Variants in ZBED1 observed in about 807,000 individuals in gnomAD.
The protein encoded by ZBED1 is zinc finger BED-type containing 1, also known as E3 SUMO-protein ligase ZBED1.
In ZBED1, 19 loss-of-function variants were observed where a neutral mutation model predicts 49.7. That is an observed-to-expected ratio of 0.38 (90% confidence interval 0.27 to 0.56). The LOEUF is 0.56. Among genes scored for constraint, ZBED1 ranks in the 20% least tolerant of loss-of-function variants. The probability of loss-of-function intolerance (pLI) is 0.70; values close to 1 mark genes in which losing one functional copy is unlikely to be tolerated. For synonymous variants in ZBED1, 439 were observed against 440.3 expected (o/e 1.00, Z 0.04); for missense variants, 806 against 972.6 (o/e 0.83, Z 2.28).
Position 2,490,260 on chromosome X carries a change from T to G in ZBED1, c.460A>C (p.Lys154Gln), listed in dbSNP as rs1378869049. The change falls in exon 2 of 2, where the codon AAG (lysine) becomes CAG (glutamine). Residue 154 changes from lysine to glutamine, a missense_variant. Physicochemically the swap from Lys to Gln is moderately conservative, Grantham distance 53. This residue lies in a region of ZBED1 where 749 missense variants were observed against 861.3 expected (regional missense o/e 0.87). Transcript: ENST00000652001. The stretch of plus-strand genomic sequence containing the variant: ...AGCTCATACCGGGGGTCGGCCGTCT[T>G]CAGCAGCACCTTGAAGGTGGGCTCG... ...VDEPTFKVLL[K>Q]TADPRYELPS... 6.2e-7 allele frequency: 1 copy of G among 1,613,712 alleles called. No homozygotes were observed. Among genetic ancestry groups the G allele is most frequent in the Non-Finnish European group, 8.5e-7 (1 of 1,179,832 alleles).
intron 1 of ZBED1, among the ~76,000 whole-genome samples, chrX:2,497,530 G>A (rs1247542519): frequency 6.6e-6 from 1 of 152,138 alleles, no homozygotes; most frequent in Non-Finnish European, 1.5e-5. Context: ...TTGAAAAGTA[G>A]GACTTCTATA....
rs1296273053 is a variant in ZBED1, at chrX:2,487,781, T to A, written c.*854A>T. 8 of 151,928 alleles carry A rather than the reference T, an allele frequency of 5.3e-5. No individual in the cohort carries two copies. The highest frequency in any genetic ancestry group is 1.3e-4 in the Admixed American group (2 of 15,236). The allele number at this position is 151,928 out of a possible 1,614,324, so 9.4% of individuals were successfully genotyped here. On this transcript the variant is annotated 3_prime_UTR_variant, in exon 2 of 2. Coordinates refer to ENST00000652001, the MANE Select transcript of ZBED1 (RefSeq NM_001171136.2). ...GTGTCTGCATTTTTGTACTCATCTG[T>A]CACATTTTTAACCGAACATTAAAAA...
intron 1 of ZBED1, among the ~76,000 whole-genome samples, chrX:2,493,638 T>C (rs981988450): frequency 6.6e-6 from 1 of 151,678 alleles, no homozygotes; most frequent in Non-Finnish European, 1.5e-5. Flanking sequence ...TTGTTATTAT[T>C]ATTAGGCTGA....
In ZBED1 at chrX:2,488,706, C is replaced by T. The variant is rs1475951311; in HGVS notation, c.2014G>A (p.Glu672Lys). 6.2e-6 allele frequency: 10 copies of T among 1,613,912 alleles called. No homozygotes were observed. The highest frequency in any genetic ancestry group is 1.1e-5 in the South Asian group (1 of 91,074). Residue 672 changes from glutamate (E) to lysine (K), a missense_variant, in exon 2 of 2, where the codon GAG becomes AAG. Physicochemically the swap from Glu to Lys is moderately conservative, Grantham distance 56. Transcript: ENST00000652001. Reference protein sequence around the residue: ...QDEGEWGLDQEQVFSLGDGVS... With the variant: ...QDEGEWGLDQKQVFSLGDGVS... ...CCATCCCCCAAGGAGAACACCTGCT[C>T]CTGGTCCAGGCCCCACTCCCCCTCG...
rs2044932631 is a variant in ZBED1 at position 2,486,481 on chromosome X, A to C, written c.*2154T>G. On this transcript the variant is annotated 3_prime_UTR_variant, in exon 2 of 2. Coordinates refer to ENST00000652001, the MANE Select transcript of ZBED1 (RefSeq NM_001171136.2). ...ACAACAGTCCAACTTTACAGCATTAAATAAGGGGCAACCGTTCAGGAGGGG... is the reference window on the plus strand; with the variant it reads ...ACAACAGTCCAACTTTACAGCATTACATAAGGGGCAACCGTTCAGGAGGGG... 1 of 152,232 alleles carries C rather than the reference A, an allele frequency of 6.6e-6. No homozygotes were observed. Among genetic ancestry groups the C allele is most frequent in the Non-Finnish European group, 1.5e-5 (1 of 68,040 alleles). The allele number at this position is 152,232 out of a possible 1,614,324, so 9.4% of individuals were successfully genotyped here. A position where few individuals can be genotyped will look rare whatever the true frequency, so the allele number is the denominator to read the frequency against.
intron 1 of ZBED1, among the ~76,000 whole-genome samples, chrX:2,492,083 G>A (rs1320135867): frequency 2.6e-5 from 4 of 152,210 alleles, no homozygotes; most frequent in Non-Finnish European, 5.9e-5. Flanking sequence ...GTCAGTGCAA[G>A]GAGGCATATT....
At position 2,490,080 on chromosome X, in the gene ZBED1, C is replaced by T. The variant is rs766286048; in HGVS notation, c.640G>A (p.Ala214Thr). The T allele has an allele frequency of 3.7e-6, 6 of 1,613,646 alleles. No individual in the cohort carries two copies. In the Admixed American group the frequency reaches 5.0e-5, roughly 13 times the overall value. ...ENQNRAYVTL[A>T]AHFLGLGAPN... ...GCGCCCAGGCCCAGGAAGTGGGCGG[C>T]CAGCGTGACGTAGGCGCGGTTCTGA... Residue 214 changes from alanine (A) to threonine (T), a missense_variant, in exon 2 of 2, where the codon GCC becomes ACC. This residue lies in a region of ZBED1 where 749 missense variants were observed against 861.3 expected (regional missense o/e 0.87). Transcript: ENST00000652001.
At position 2,489,952 on chromosome X, in the gene ZBED1, G is replaced by A. The variant is rs141687518; in HGVS notation, c.768C>T (p.Ile256=). ...TITRVLYEVF[I]EWGISAKVFG... is the part of the protein sequence containing the mutation. ...AGACCTTGGCGCTGATGCCCCACTCGATGAAGACCTCATAGAGCACTCGCG... is the reference window on the plus strand; with the variant it reads ...AGACCTTGGCGCTGATGCCCCACTCAATGAAGACCTCATAGAGCACTCGCG... The change falls in exon 2 of 2, where the codon ATC becomes ATT. Residue 256 remains isoleucine (I), a synonymous_variant. Transcript: ENST00000652001. 2.4e-5 allele frequency: 39 copies of A among 1,613,900 alleles called. 1 individual carries two copies. The African/African-American group carries it at 4.5e-4, about 19-fold the overall frequency.
At chrX:2,493,908 G>T (rs1305216594) in intron 1 of ZBED1, among the ~76,000 whole-genome samples, 2 of 152,094 alleles carry the variant, frequency 1.3e-5, no homozygotes, top group Non-Finnish European at 2.9e-5. Flanking sequence ...GGAAGCAGAG[G>T]TTGCAGTGAG....
chrX:2,491,077 T>TTG (rs1556033030), intron 1 of ZBED1, among the ~76,000 whole-genome samples: 41 of 146,856 alleles, frequency 2.8e-4, no homozygotes, highest in Non-Finnish European at 4.0e-4. Flanking sequence ...TTTTTTTTTT[T>TTG]TTTTTTTTTT....
Position 2,490,285 on chromosome X carries a change from G to A in ZBED1, c.435C>T (p.Asp145=), listed in dbSNP as rs777092860. The A allele has an allele frequency of 3.3e-5, 54 of 1,613,580 alleles. No homozygotes were observed. Among genetic ancestry groups the A allele is most frequent in the African/African-American group, 9.3e-5 (7 of 74,926 alleles). The stretch of plus-strand genomic sequence containing the variant: ...TCAGCAGCACCTTGAAGGTGGGCTC[G>A]TCCACGATGGAGGCTGGGTACAGCC... ...CEGLYPASIV[D]EPTFKVLLKT... The change falls in exon 2 of 2, where the codon GAC becomes GAT. Residue 145 remains aspartate, a synonymous_variant. Coordinates refer to ENST00000652001, the MANE Select transcript of ZBED1 (RefSeq NM_001171136.2).
Position 2,488,614 on chromosome X carries a change from G to T in ZBED1, c.*21C>A, listed in dbSNP as rs531609492. ...CAATGGGCTGCTGCGGGGATGACTT[G>T]TAAGACAACACGCTTCCTCGCTACA... On this transcript the variant is annotated 3_prime_UTR_variant, in exon 2 of 2. Coordinates refer to ENST00000652001, the MANE Select transcript of ZBED1 (RefSeq NM_001171136.2). The T allele has an allele frequency of 1.3e-6, 2 of 1,571,546 alleles. No homozygotes were observed. Among genetic ancestry groups the T allele is most frequent in the African/African-American group, 1.4e-5 (1 of 73,452 alleles).
chrX:2,492,481 A>G (rs2045178020), intron 1 of ZBED1, among the ~76,000 whole-genome samples: 1 of 152,044 alleles, frequency 6.6e-6, no homozygotes, highest in African/African-American at 2.4e-5. Context: ...CCGCAGAAAG[A>G]TCTGTCCACA....
At position 2,500,854 on chromosome X, in the gene ZBED1, C is replaced by G; in HGVS notation, c.-91G>C. 1 of 1,158,972 alleles carries G rather than the reference C, an allele frequency of 8.6e-7. No individual in the cohort carries two copies. Among genetic ancestry groups the G allele is most frequent in the Non-Finnish European group, 1.1e-6 (1 of 935,504 alleles). 71.8% of individuals were successfully genotyped at this position (1,158,972 alleles called of 1,614,324 possible). A position where few individuals can be genotyped will look rare whatever the true frequency, so the allele number is the denominator to read the frequency against. On this transcript the variant is annotated 5_prime_UTR_variant, in exon 1 of 2. Coordinates refer to ENST00000652001, the MANE Select transcript of ZBED1 (RefSeq NM_001171136.2). ...AGCCCCCGCGGCAGCGCCGCAGCAG[C>G]TGCGCCAGGATCACCGCGGCGCCTA...
Position 2,489,083 on chromosome X carries a change from T to C in ZBED1, c.1637A>G (p.Asn546Ser). The part of the protein sequence containing the change: ...STPPPASVIN[N>S]MLAEIFCQTG... ...CTGGCAGAAGATCTCGGCCAGCATG[T>C]TGTTGATGACGCTGGCGGGCGGCGG... Residue 546 changes from asparagine (N) to serine (S), a missense_variant, in exon 2 of 2, where the codon AAC becomes AGC. Coordinates refer to ENST00000652001, the MANE Select transcript of ZBED1 (RefSeq NM_001171136.2). The C allele has an allele frequency of 6.2e-7, 1 of 1,613,830 alleles. No homozygotes were observed. The highest frequency in any genetic ancestry group is 8.5e-7 in the Non-Finnish European group (1 of 1,179,830).
At chrX:2,492,178 G>A (rs997481684) in intron 1 of ZBED1, among the ~76,000 whole-genome samples, 2 of 152,154 alleles carry the variant, frequency 1.3e-5, no homozygotes, top group Non-Finnish European at 2.9e-5. Context: ...ATGGGACCTT[G>A]TTTGGAAAAA....
chrX:2,495,610 G>A (rs1569349824), intron 1 of ZBED1, among the ~76,000 whole-genome samples: 3 of 151,976 alleles, frequency 2.0e-5, no homozygotes, highest in Non-Finnish European at 2.9e-5. Flanking sequence ...CTGAACCCAC[G>A]TAACAGCCAC....
chrX:2,490,324 G>T lies in ZBED1; in HGVS notation c.396C>A (p.Gly132=), dbSNP rs145834233. 2 of 1,613,256 alleles carry T rather than the reference G, an allele frequency of 1.2e-6. No individual in the cohort carries two copies. The highest frequency in any genetic ancestry group is 3.3e-5 in the Admixed American group (2 of 60,006). The change falls in exon 2 of 2, where the codon GGC becomes GGA. Residue 132 remains glycine, a synonymous_variant. Coordinates refer to ENST00000652001, the MANE Select transcript of ZBED1 (RefSeq NM_001171136.2). ...CTGGGTACAGCCCCTCGCAGATGAG[G>T]CCCAGCACGGCGGCCGTCAGCTCCT... ...KQQELTAAVL[G]LICEGLYPAS...
rs2045078263 is a variant in ZBED1 at position 2,489,859 on chromosome X, G to A, written c.861C>T (p.His287=). The part of the protein sequence containing the change: ...KACSLLDVAV[H]MPCLGHTFNA... ...TGAAGGTGTGGCCCAGGCAGGGCAT[G>A]TGCACTGCGACGTCCAGCAGGGAGC... The change falls in exon 2 of 2, where the codon CAC becomes CAT. Residue 287 remains histidine (H), a synonymous_variant. Transcript: ENST00000652001. 6.2e-7 allele frequency: 1 copy of A among 1,613,638 alleles called. No individual in the cohort carries two copies. Among genetic ancestry groups the A allele is most frequent in the African/African-American group, 1.3e-5 (1 of 74,936 alleles).
Sources: allele counts gnomAD v4.1 joint callset (sites outside exome capture counted in the v4.1 genomes callset), GRCh38; gene constraint gnomAD v4.1.1; regional missense constraint gnomAD v4.1.1; transcripts MANE v1.5; gene names NCBI Gene and HGNC (gene_info 2026-07-23, HGNC 2026-07-21).